Variants in PLXNA2 observed in about 807,000 individuals in gnomAD.
PLXNA2 encodes plexin A2.
In PLXNA2, 91 loss-of-function variants were observed where a neutral mutation model predicts 193.5. That is an observed-to-expected ratio of 0.47 (90% CI 0.40 to 0.56). The LOEUF is 0.56. Ranked by LOEUF, PLXNA2 falls within the 20% of genes least tolerant of loss-of-function variation. The pLI is 0.00. For missense variants in PLXNA2, 1,995 were observed against 2,503.2 expected, an observed-to-expected ratio of 0.80 and a Z score of 4.33; for synonymous variants, 997 against 1,027.3, an observed-to-expected ratio of 0.97 and a Z score of 0.56.
rs946333528 is a variant in PLXNA2 at position 208,217,415 on chromosome 1, C to T, written c.508G>A (p.Gly170Arg). 9 of 1,614,030 alleles carry T rather than the reference C, an allele frequency of 5.6e-6. No individual in the cohort carries two copies. Among genetic ancestry groups the T allele is most frequent in the African/African-American group, 1.3e-5 (1 of 74,910 alleles). Residue 170 changes from glycine (G) to arginine (R), a missense_variant, in exon 2 of 32, where the codon GGG (glycine) becomes AGG (arginine). Transcript: ENST00000367033. This position sits in a 1 kb window ranked among gnomAD's most constrained non-coding sequence, Gnocchi z 4.7. ...TCACCCTCAGAGCGCACAATCACCC[C>T]GTACATGGTGCCCGTCTTGTTGACA... The part of the protein sequence containing the change: ...SSVNKTGTMY[G>R]VIVRSEGEDG...
At chr1:208,187,109 T>C (rs1398318514) in intron 3 of PLXNA2, among the ~76,000 whole-genome samples, 1 of 152,156 alleles carries the variant, frequency 6.6e-6, no homozygotes, top group African/African-American at 2.4e-5. Flanking sequence ...ACCTAAGAAT[T>C]TTGAACCAGA....
intron 1 of PLXNA2, among the ~76,000 whole-genome samples, chr1:208,228,655 C>T (rs1167153151): frequency 6.6e-6 from 1 of 152,202 alleles, no homozygotes; most frequent in Non-Finnish European, 1.5e-5. Context: ...CACTGCTAAG[C>T]ACCCAAGTTC....
rs763862281 is a variant in PLXNA2, at chr1:208,050,974, T to C, written c.3255+35A>G. The C allele has an allele frequency of 3.4e-6, 5 of 1,492,450 alleles. No homozygotes were observed. The South Asian group carries it at 5.6e-5, about 17-fold the overall frequency. The allele number at this position is 1,492,450 out of a possible 1,614,324, so 92.5% of individuals were successfully genotyped here. A position where few individuals can be genotyped will look rare whatever the true frequency, so the allele number is the denominator to read the frequency against. On this transcript the variant is annotated intron_variant, in intron 17 of 31. Transcript: ENST00000367033. ...GCAAAACATCAACACAGAGCTGTGTTTACCAAAGGCTGGGGCAGACCAACA... is the reference window on the plus strand; with the variant it reads ...GCAAAACATCAACACAGAGCTGTGTCTACCAAAGGCTGGGGCAGACCAACA...
chr1:208,235,257 G>T (rs1273461283), intron 1 of PLXNA2, among the ~76,000 whole-genome samples: 1 of 152,172 alleles, frequency 6.6e-6, no homozygotes, highest in Non-Finnish European at 1.5e-5. Context: ...CAAGTCTTCA[G>T]CCCTTTATTC....
At chr1:208,116,190 T>G (rs1232414946) in intron 4 of PLXNA2, among the ~76,000 whole-genome samples, 2 of 152,204 alleles carry the variant, frequency 1.3e-5, no homozygotes, top group South Asian at 4.1e-4. Flanking sequence ...CCAGGAAGTC[T>G]TCCTTGATCA....
rs117816026 is a variant in PLXNA2 at position 208,224,142 on chromosome 1, G to C, written c.-80-6140C>G. Among the ~76,000 whole-genome samples, 113 of 152,344 alleles carry C rather than the reference G, an allele frequency of 7.4e-4. 3 individuals are homozygous for C. The East Asian group carries it at 0.02, about 27-fold the overall frequency. ...ACGTTGGGTAGCACAAGGTGAGCAA[G>C]AGGGCGAACGCAAAAGCCCCGGGTA... On this transcript the variant is annotated intron_variant, in intron 1 of 31. Transcript: ENST00000367033.
chr1:208,158,846 TC>T (rs2102510605), intron 3 of PLXNA2, among the ~76,000 whole-genome samples: 1 of 152,322 alleles, frequency 6.6e-6, no homozygotes, highest in African/African-American at 2.4e-5. Flanking sequence ...TCTGACCCTG[TC>T]GGGTTCTCCA....
intron 2 of PLXNA2, among the ~76,000 whole-genome samples, chr1:208,211,901 C>T (rs970032856): frequency 6.6e-6 from 1 of 152,190 alleles, no homozygotes; most frequent in African/African-American, 2.4e-5. Context: ...GACCATAATG[C>T]TTCCTGAGGC....
rs1571847373 is a variant in PLXNA2 at position 208,037,441 on chromosome 1, C to T, written c.4764+930G>A. ...TGGTTGGCAGCTCAGTGCCTGAGAG[C>T]CCAGCCTGCCAGCCCCTCTACAGAT... On this transcript the variant is annotated intron_variant, in intron 26 of 31. Coordinates refer to ENST00000367033, the MANE Select transcript of PLXNA2 (RefSeq NM_025179.4). Among the ~76,000 whole-genome samples, 3 of 152,290 alleles carry T rather than the reference C, an allele frequency of 2.0e-5. No homozygotes were observed. The East Asian group carries it at 5.8e-4, about 29-fold the overall frequency.
intron 13 of PLXNA2, among the ~76,000 whole-genome samples, chr1:208,056,561 C>T (rs932534196): frequency 2.6e-5 from 4 of 152,172 alleles, no homozygotes; most frequent in African/African-American, 9.7e-5. Flanking sequence ...GCCAGGGCCT[C>T]TTGGCACACT....
rs75272160 is a variant in PLXNA2, at chr1:208,150,715, T to C, written c.1372-8252A>G. ...AGCCATCACTGGTCTATGCTGCTCG[T>C]AGAACTAAGAGGAGTGGCCCCTGCT... is the stretch of plus-strand genomic sequence containing the variant. On this transcript the variant is annotated intron_variant, in intron 3 of 31. Coordinates refer to ENST00000367033, the MANE Select transcript of PLXNA2 (RefSeq NM_025179.4). Among the ~76,000 whole-genome samples the C allele has an allele frequency of 6.3e-3, 962 of 152,254 alleles. 21 individuals are homozygous for C. Among genetic ancestry groups the C allele is most frequent in the East Asian group, 0.058 (301 of 5,176 alleles).
At chr1:208,188,240 C>T (rs575067510) in intron 3 of PLXNA2, among the ~76,000 whole-genome samples, 1 of 152,268 alleles carries the variant, frequency 6.6e-6, no homozygotes, top group East Asian at 1.9e-4. Flanking sequence ...GATTACATGT[C>T]ACGAGGTTCT....
intron 22 of PLXNA2, among the ~76,000 whole-genome samples, chr1:208,040,696 A>C (rs531482940): frequency 4.1e-4 from 62 of 152,254 alleles, no homozygotes; most frequent in Non-Finnish European, 5.0e-4. Context: ...TAATATTTGT[A>C]AAGTGCTAAG....
chr1:208,033,271 T>G (rs780401896), intron 28 of PLXNA2, 48 bp downstream of exon 28: 5 of 1,512,112 alleles, frequency 3.3e-6, no homozygotes, highest in Non-Finnish European at 4.5e-6. Context: ...AGGGGCAGGA[T>G]GTGCTCCTTT....
chr1:208,092,374 T>A (rs149542482), intron 9 of PLXNA2, among the ~76,000 whole-genome samples: 1 of 152,336 alleles, frequency 6.6e-6, no homozygotes, highest in Non-Finnish European at 1.5e-5. Flanking sequence ...GAAGTTGGCA[T>A]GAAAGAATGG....
chr1:208,048,955 C>CACAGCTCAATGTG (rs1558164646), intron 17 of PLXNA2, among the ~76,000 whole-genome samples: 2 of 152,192 alleles, frequency 1.3e-5, no homozygotes, highest in Non-Finnish European at 2.9e-5. Flanking sequence ...AGCTCAACTG[C>CACAGCTCAATGTG]CCCTTTCCAC....
At chr1:208,043,996 G>A (rs764995191) in intron 20 of PLXNA2, among the ~76,000 whole-genome samples, 7 of 152,206 alleles carry the variant, frequency 4.6e-5, no homozygotes, top group South Asian at 2.1e-4. Context: ...TCCCACACAC[G>A]TCCACAGCCA....
Position 208,217,314 on chromosome 1 carries a change from C to G in PLXNA2, c.609G>C (p.Leu203=). The part of the protein sequence containing the change: ...DYFPTLSSRK[L]PRDPESSAML... ...TGGCTGAGGACTCAGGGTCTCGGGG[C>G]AGCTTCCGGCTGGACAGGGTCGGGA... Residue 203 remains leucine, a synonymous_variant, in exon 2 of 32, where the codon CTG becomes CTC. Transcript: ENST00000367033. This position sits in a 1 kb window ranked among gnomAD's most constrained non-coding sequence, Gnocchi z 4.7. 6.2e-7 allele frequency: 1 copy of G among 1,614,140 alleles called. No individual in the cohort carries two copies. The highest frequency in any genetic ancestry group is 8.5e-7 in the Non-Finnish European group (1 of 1,180,008).
rs1469934815 is a variant in PLXNA2, at chr1:208,244,185, G to A, written c.-623C>T. On this transcript the variant is annotated 5_prime_UTR_variant, in exon 1 of 32. Coordinates refer to ENST00000367033, the MANE Select transcript of PLXNA2 (RefSeq NM_025179.4). ...CGCCCTACCGCTCCCAAGCTCTCGGGGTCTCTCTCCGGATCGCTCGCCCTC... is the reference window on the plus strand; with the variant it reads ...CGCCCTACCGCTCCCAAGCTCTCGGAGTCTCTCTCCGGATCGCTCGCCCTC... 6.4e-6 allele frequency: 1 copy of A among 156,928 alleles called. No homozygotes were observed. Among genetic ancestry groups the A allele is most frequent in the Non-Finnish European group, 1.4e-5 (1 of 71,758 alleles). 9.7% of individuals were successfully genotyped at this position (156,928 alleles called of 1,614,324 possible). A position where few individuals can be genotyped will look rare whatever the true frequency, so the allele number is the denominator to read the frequency against.
Sources: allele counts gnomAD v4.1 joint callset (sites outside exome capture counted in the v4.1 genomes callset), GRCh38; gene constraint gnomAD v4.1.1; non-coding constraint Gnocchi (gnomAD v3.1); transcripts MANE v1.5; gene names NCBI Gene and HGNC (gene_info 2026-07-23, HGNC 2026-07-21).